The following WASHC2C variants were observed in gnomAD, a reference collection of about 807,000 sequenced individuals.
WASHC2C encodes the protein Vaccinia Penetration Factor.
In WASHC2C, 73 loss-of-function variants were observed where a neutral mutation model predicts 142.2. The observed-to-expected ratio is 0.51, with a 90% CI of 0.43 to 0.62. WASHC2C has a LOEUF of 0.62. WASHC2C is among the 20% of genes least tolerant of loss of function. WASHC2C has a pLI of 0.00. For synonymous variants in WASHC2C, 337 were observed against 565.5 expected (o/e 0.60, Z 5.73); for missense variants, 969 against 1,531.7 (o/e 0.63, Z 6.13).
intron 19 of WASHC2C, among the ~76,000 whole-genome samples, chr10:45,767,102 A>G (rs1384495921): frequency 6.6e-6 from 1 of 150,746 alleles, no homozygotes; most frequent in Non-Finnish European, 1.5e-5. Flanking sequence ...CCTTGTCTCT[A>G]TTAAAAATAC....
At chr10:45,761,637 A>G (rs527315681) in intron 17 of WASHC2C, among the ~76,000 whole-genome samples, 62 of 152,266 alleles carry the variant, frequency 4.1e-4, no homozygotes, top group East Asian at 9.6e-4. Context: ...TCCTTTCTCT[A>G]TATCTGAAGT....
chr10:45,775,679 A>ACTT (rs1554886147), intron 21 of WASHC2C, among the ~76,000 whole-genome samples: 1 of 137,840 alleles, frequency 7.3e-6, no homozygotes, highest in Non-Finnish European at 1.6e-5. Flanking sequence ...ATTTGCATTG[A>ACTT]ATTTTTTTTT....
intron 8 of WASHC2C, among the ~76,000 whole-genome samples, chr10:45,749,035 G>A (rs1554872666): frequency 6.6e-6 from 1 of 152,184 alleles, no homozygotes; most frequent in Non-Finnish European, 1.5e-5. Context: ...ACCTTGGATG[G>A]CTCTCTAGTC....
chr10:45,789,359 A>G lies in WASHC2C; in HGVS notation c.3576A>G (p.Pro1192=), dbSNP rs1181084456. 7 of 1,612,074 alleles carry G rather than the reference A, an allele frequency of 4.3e-6. No homozygotes were observed. The East Asian group carries it at 1.6e-4, about 36-fold the overall frequency. ...DDLFQSAKPK[P]AKKTNPFPLL... Reference sequence around the variant, plus strand: ...TCTTTCAGTCTGCTAAACCAAAACCAGCAAAGAAAACAAATCCCTTTCCTC... The same window carrying G: ...TCTTTCAGTCTGCTAAACCAAAACCGGCAAAGAAAACAAATCCCTTTCCTC... The change falls in exon 29 of 31, where the codon CCA becomes CCG. Residue 1192 remains proline, a synonymous_variant. Coordinates refer to ENST00000623400, the MANE Select transcript of WASHC2C (RefSeq NM_001330074.2).
At position 45,727,458 on chromosome 10, in the gene WASHC2C, G is replaced by A. The variant is rs757270603; in HGVS notation, c.45G>A (p.Ser15=). 1.1e-5 allele frequency: 18 copies of A among 1,610,670 alleles called. No homozygotes were observed. Among genetic ancestry groups the A allele is most frequent in the Non-Finnish European group, 1.5e-5 (18 of 1,179,318 alleles). The change falls in exon 2 of 31, where the codon TCG becomes TCA. Residue 15 remains serine (S), a synonymous_variant. Transcript: ENST00000623400. ...TTPDQELVPA[S]EPVWERPWSV... ...CCGACCAGGAGCTGGTGCCGGCGTCGGAGCCCGTGTGGGAGCGGCCGTGGT... is the reference window on the plus strand; with the variant it reads ...CCGACCAGGAGCTGGTGCCGGCGTCAGAGCCCGTGTGGGAGCGGCCGTGGT...
Position 45,779,047 on chromosome 10 carries a change from C to A in WASHC2C, c.2390C>A (p.Thr797Asn). The stretch of plus-strand genomic sequence containing the variant: ...TGGGACAAAGGAACCAAGCCTAGAA[C>A]CAAAACTGTTCTTAGCTTGTTTGAT... ...SPWDKGTKPR[T>N]KTVLSLFDEE... is the part of the protein sequence containing the mutation. The change falls in exon 23 of 31, where the codon ACC becomes AAC. Residue 797 changes from threonine to asparagine, a missense_variant. Coordinates refer to ENST00000623400, the MANE Select transcript of WASHC2C (RefSeq NM_001330074.2). The A allele has an allele frequency of 6.2e-7, 1 of 1,607,762 alleles. No individual in the cohort carries two copies. The highest frequency in any genetic ancestry group is 8.5e-7 in the Non-Finnish European group (1 of 1,178,190).
At chr10:45,757,700 G>T (rs567915946) in intron 16 of WASHC2C, among the ~76,000 whole-genome samples, 1 of 152,048 alleles carries the variant, frequency 6.6e-6, no homozygotes, top group Admixed American at 6.5e-5. Flanking sequence ...TTACGGCAGT[G>T]ATCCCCAACC....
At chr10:45,758,104 T>C (rs1392052666) in intron 16 of WASHC2C, among the ~76,000 whole-genome samples, 12 of 152,178 alleles carry the variant, frequency 7.9e-5, no homozygotes, top group Non-Finnish European at 1.8e-4. Context: ...TCTTGTAGAA[T>C]GTGTCTCGTG....
intron 3 of WASHC2C, among the ~76,000 whole-genome samples, chr10:45,730,810 G>A (rs532333532): frequency 8.6e-4 from 130 of 151,978 alleles, no homozygotes; most frequent in African/African-American, 2.9e-3. Context: ...TAGAAGAGAC[G>A]GGGTTTCACC....
At chr10:45,790,568 T>G in intron 30 of WASHC2C, 35 bp downstream of exon 30, 1 of 1,612,008 alleles carries the variant, frequency 6.2e-7, no homozygotes. Context: ...CCTAGAGAAT[T>G]CTTACCTTTC....
At chr10:45,784,170 A>G (rs550707791) in intron 23 of WASHC2C, among the ~76,000 whole-genome samples, 1 of 150,176 alleles carries the variant, frequency 6.7e-6, no homozygotes, top group East Asian at 2.0e-4. Flanking sequence ...AAATTTAGAT[A>G]CTATACGAAG....
intron 13 of WASHC2C, among the ~76,000 whole-genome samples, chr10:45,753,912 A>G (rs1187158281): frequency 2.0e-4 from 30 of 150,516 alleles, no homozygotes; most frequent in African/African-American, 7.2e-4. Context: ...TAGTGATTCT[A>G]AGTGCCGAGT....
chr10:45,792,538 G>A lies in WASHC2C; in HGVS notation c.*138G>A. ...GCTCATCTTTTACCCAATGTACTTA[G>A]TATTTTTCTGCACTGGTTTAATCAT... On this transcript the variant is annotated 3_prime_UTR_variant, in exon 31 of 31. Coordinates refer to ENST00000623400, the MANE Select transcript of WASHC2C (RefSeq NM_001330074.2). The A allele has an allele frequency of 7.5e-7, 1 of 1,340,548 alleles. No individual in the cohort carries two copies. The highest frequency in any genetic ancestry group is 1.4e-5 in the South Asian group (1 of 71,324). 83.0% of individuals were successfully genotyped at this position (1,340,548 alleles called of 1,614,324 possible).
intron 23 of WASHC2C, among the ~76,000 whole-genome samples, chr10:45,780,856 C>T (rs1209877114): frequency 2.6e-5 from 4 of 151,324 alleles, no homozygotes; most frequent in East Asian, 2.0e-4. Flanking sequence ...CGGGTTCAAG[C>T]GATTCTCCTG....
At chr10:45,788,667 T>C (rs1282006231) in intron 28 of WASHC2C, among the ~76,000 whole-genome samples, 1 of 152,220 alleles carries the variant, frequency 6.6e-6, no homozygotes, top group African/African-American at 2.4e-5. Context: ...GGATTAAGAA[T>C]GACTTAGTCT....
chr10:45,777,314 C>T lies in WASHC2C; in HGVS notation c.2184C>T (p.Ser728=), dbSNP rs782394171. ...TVSEAPPLLF[S]DEEEKEAQLG... is the part of the protein sequence containing the mutation. ...CTGAGGCACCACCTTTGCTGTTCAGCGATGAAGAAGAGAAGGAGGCACAAC... is the reference window on the plus strand; with the variant it reads ...CTGAGGCACCACCTTTGCTGTTCAGTGATGAAGAAGAGAAGGAGGCACAAC... The change falls in exon 22 of 31, where the codon AGC becomes AGT. Residue 728 remains serine (S), a synonymous_variant. Transcript: ENST00000623400. 5.0e-6 allele frequency: 8 copies of T among 1,602,698 alleles called. No individual in the cohort carries two copies. Among genetic ancestry groups the T allele is most frequent in the Admixed American group, 3.4e-5 (2 of 59,552 alleles).
intron 5 of WASHC2C, among the ~76,000 whole-genome samples, chr10:45,740,971 C>G (rs1449206583): frequency 2.0e-5 from 3 of 150,552 alleles, no homozygotes; most frequent in Non-Finnish European, 4.4e-5. Flanking sequence ...TTTTTTGAGA[C>G]GGAGTTTCAC....
intron 2 of WASHC2C, among the ~76,000 whole-genome samples, chr10:45,728,021 T>G (rs1057000689): frequency 6.6e-6 from 1 of 152,164 alleles, no homozygotes; most frequent in African/African-American, 2.4e-5. Flanking sequence ...CTCTGTAGAT[T>G]GACAACCAAA....
At position 45,748,982 on chromosome 10, in the gene WASHC2C, G is replaced by T. The variant is rs116434959; in HGVS notation, c.733-1114G>T. On this transcript the variant is annotated intron_variant, in intron 8 of 30. Transcript: ENST00000623400. Reference sequence around the variant, plus strand: ...GTGTTTGCAGAGGGGGCGGGGCTTGGTATCATCCTGGATTTGTTATTCTGC... The same window carrying T: ...GTGTTTGCAGAGGGGGCGGGGCTTGTTATCATCCTGGATTTGTTATTCTGC... 7.8e-3 allele frequency among the ~76,000 whole-genome samples: 1,188 copies of T among 152,318 alleles called. 22 individuals are homozygous for T. The highest frequency in any genetic ancestry group is 0.027 in the African/African-American group (1,124 of 41,570).
Sources: allele counts gnomAD v4.1 joint callset (sites outside exome capture counted in the v4.1 genomes callset), GRCh38; gene constraint gnomAD v4.1.1; transcripts MANE v1.5; gene names NCBI Gene and HGNC (gene_info 2026-07-23, HGNC 2026-07-21).